Variants in BICC1 observed in about 807,000 individuals in gnomAD.
BICC1 encodes the protein BicC family RNA binding protein 1.
In BICC1, 43 loss-of-function variants were observed where a neutral mutation model predicts 111.0. The ratio of observed to expected loss-of-function variants is 0.39; its 90% CI spans 0.30 to 0.50. The LOEUF (loss-of-function observed/expected upper bound fraction) is 0.50. Among genes scored for constraint, BICC1 ranks in the 20% least tolerant of loss-of-function variants. The probability of loss-of-function intolerance (pLI) is 0.88; values close to 1 mark genes in which losing one functional copy is unlikely to be tolerated. For missense variants in BICC1, 1,091 were observed against 1,203.2 expected (o/e 0.91, Z 1.38); for synonymous variants, 467 against 434.4 (o/e 1.07, Z -0.93).
intron 3 of BICC1, among the ~76,000 whole-genome samples, chr10:58,757,966 T>A (rs1842191521): frequency 6.6e-6 from 1 of 152,188 alleles, no homozygotes. Flanking sequence ...AAACAACCCA[T>A]AGGAAGCAAC....
intron 20 of BICC1, chr10:58,823,668 G>T (rs1011149883): frequency 2.0e-5 from 20 of 984,688 alleles, no homozygotes; most frequent in Non-Finnish European, 2.4e-5. Flanking sequence ...ATGTTGTTTG[G>T]CCTCATTCCT....
At chr10:58,537,171 A>G (rs2131872003) in intron 1 of BICC1, among the ~76,000 whole-genome samples, 1 of 152,026 alleles carries the variant, frequency 6.6e-6, no homozygotes, top group Non-Finnish European at 1.5e-5. Context: ...CTACTGAACT[A>G]TTCCACAAGA....
intron 19 of BICC1, among the ~76,000 whole-genome samples, chr10:58,818,664 G>T (rs1183886364): frequency 2.0e-5 from 3 of 151,828 alleles, no homozygotes; most frequent in African/African-American, 4.8e-5. Flanking sequence ...ATTGTTGTGT[G>T]TATTAAATTT....
At chr10:58,540,966 TCA>T (rs1842959502) in intron 1 of BICC1, among the ~76,000 whole-genome samples, 1 of 152,070 alleles carries the variant, frequency 6.6e-6, no homozygotes, top group Admixed American at 6.6e-5. Flanking sequence ...CATGATCATC[TCA>T]ATTGATGCAG....
At chr10:58,654,064 C>T (rs1227363822) in intron 2 of BICC1, among the ~76,000 whole-genome samples, 2 of 146,030 alleles carry the variant, frequency 1.4e-5, no homozygotes, top group African/African-American at 2.5e-5. Flanking sequence ...GCCACATTTT[C>T]TTAATCCAGT....
intron 3 of BICC1, among the ~76,000 whole-genome samples, chr10:58,770,575 A>G (rs1842596781): frequency 1.3e-5 from 2 of 152,120 alleles, no homozygotes; most frequent in South Asian, 2.1e-4. Flanking sequence ...ACAACCCAAT[A>G]GGAATTTACC....
rs1322969444 is a variant in BICC1, at chr10:58,806,984, G to A, written c.2222-20G>A. The A allele has an allele frequency of 6.2e-7, 1 of 1,603,762 alleles. No homozygotes were observed. The highest frequency in any genetic ancestry group is 1.1e-5 in the South Asian group (1 of 89,080). ...AATGCATTAAACATACCAAGCATTG[G>A]TTTTATTTTGTTTCCAAAGCTATGT... On this transcript the variant is annotated intron_variant, in intron 16 of 20. Coordinates refer to ENST00000373886, the MANE Select transcript of BICC1 (RefSeq NM_001080512.3).
At chr10:58,734,089 C>T (rs74532319) in intron 3 of BICC1, among the ~76,000 whole-genome samples, 2,590 of 152,266 alleles carry the variant, frequency 0.017, 84 homozygotes, top group African/African-American at 0.06. Flanking sequence ...GCACAGGGAT[C>T]TGGGCAAAAA....
At chr10:58,640,474 A>G (rs1198884376) in intron 2 of BICC1, among the ~76,000 whole-genome samples, 1 of 152,204 alleles carries the variant, frequency 6.6e-6, no homozygotes, top group African/African-American at 2.4e-5. Flanking sequence ...GATTTTAAAT[A>G]AATTATGGAC....
In BICC1 at chr10:58,828,866, T is replaced by C. The variant is rs1714524059; in HGVS notation, c.2900T>C (p.Ile967Thr). Residue 967 changes from isoleucine to threonine, a missense_variant, in exon 21 of 21, where the codon ATT becomes ACT. Transcript: ENST00000373886. ...CTACCCCGTCAGTATCACTCAGACATTGCTAGTGTCAGTGGCCGCTGGTAG... is the reference window on the plus strand; with the variant it reads ...CTACCCCGTCAGTATCACTCAGACACTGCTAGTGTCAGTGGCCGCTGGTAG... ...GRLPRQYHSD[I>T]ASVSGRW 1.2e-6 allele frequency: 2 copies of C among 1,613,914 alleles called. No individual in the cohort carries two copies. The highest frequency in any genetic ancestry group is 1.3e-5 in the African/African-American group (1 of 75,024).
intron 1 of BICC1, among the ~76,000 whole-genome samples, chr10:58,569,551 C>T (rs1843880038): frequency 6.6e-6 from 1 of 152,102 alleles, no homozygotes. Flanking sequence ...AGGCTCCCAC[C>T]CCCTGGCAGG....
chr10:58,576,013 G>C (rs1041863106), intron 1 of BICC1, among the ~76,000 whole-genome samples: 15 of 152,214 alleles, frequency 9.9e-5, no homozygotes, highest in Admixed American at 8.5e-4. Flanking sequence ...CTTTAAATAG[G>C]TTATTTGAGG....
chr10:58,758,840 C>CT (rs1285521310), intron 3 of BICC1, among the ~76,000 whole-genome samples: 3 of 151,226 alleles, frequency 2.0e-5, no homozygotes, highest in Admixed American at 2.0e-4. Context: ...TTAATAAAAA[C>CT]TGAGCTTTTG....
At chr10:58,635,022 A>G (rs1177453046) in intron 2 of BICC1, among the ~76,000 whole-genome samples, 2 of 152,116 alleles carry the variant, frequency 1.3e-5, no homozygotes, top group Admixed American at 6.5e-5. Flanking sequence ...CAGAGGCAAA[A>G]GAAAATCTGT....
chr10:58,745,599 A>ACCC (rs1564589090), intron 3 of BICC1, among the ~76,000 whole-genome samples: 112 of 41,708 alleles, frequency 2.7e-3, no homozygotes, highest in African/African-American at 2.8e-3. Flanking sequence ...AGAGCCCCCC[A>ACCC]CCGCCCCCCC....
intron 1 of BICC1, among the ~76,000 whole-genome samples, chr10:58,531,126 A>G (rs1461593058): frequency 1.3e-5 from 2 of 151,832 alleles, no homozygotes; most frequent in East Asian, 1.9e-4. Context: ...ATTATGTCCA[A>G]TGTGCTGGCT....
chr10:58,591,437 G>T (rs1276434336), intron 1 of BICC1, among the ~76,000 whole-genome samples: 1 of 152,126 alleles, frequency 6.6e-6, no homozygotes, highest in Non-Finnish European at 1.5e-5. Flanking sequence ...CAAGCGTCTG[G>T]CCTTCAAAGA....
chr10:58,785,846 T>G (rs1444965430), intron 4 of BICC1, among the ~76,000 whole-genome samples: 1 of 152,194 alleles, frequency 6.6e-6, no homozygotes, highest in Non-Finnish European at 1.5e-5. Context: ...CTTAACCACT[T>G]TGTCTTGCCA....
Position 58,680,706 on chromosome 10 carries a change from G to A in BICC1, c.238-21368G>A, listed in dbSNP as rs918538478. On this transcript the variant is annotated intron_variant, in intron 2 of 20. Coordinates refer to ENST00000373886, the MANE Select transcript of BICC1 (RefSeq NM_001080512.3). ...TTTCATGTGGAACCAAAAAGAGCCT[G>A]TATAGCCAAGACAATTCTAAGCAAA... Among the ~76,000 whole-genome samples, 7 of 152,180 alleles carry A rather than the reference G, an allele frequency of 4.6e-5. No homozygotes were observed. The South Asian group carries it at 1.4e-3, about 32-fold the overall frequency.
Sources: gnomAD v4.1 joint callset for allele counts (sites outside exome capture counted in the v4.1 genomes callset) on GRCh38, gnomAD v4.1.1 for gene constraint, MANE v1.5 for transcripts, NCBI Gene and HGNC (gene_info 2026-07-23, HGNC 2026-07-21) for gene names.